The following DSCAML1 variants were observed in gnomAD, a reference collection of about 807,000 sequenced individuals.
The protein encoded by DSCAML1 is DS cell adhesion molecule like 1, also known as cell adhesion molecule DSCAML1.
A neutral mutation model predicts 200.5 loss-of-function variants in DSCAML1; 38 were observed. The ratio of observed to expected loss-of-function variants is 0.19; its 90% CI spans 0.15 to 0.25. The LOEUF (loss-of-function observed/expected upper bound fraction) is 0.25, where lower values mean the gene tolerates loss of function less well. Ranked by LOEUF, DSCAML1 falls within the 10% of genes least tolerant of loss-of-function variation. The pLI is 1.00. For missense variants in DSCAML1, 2,223 were observed against 2,858.8 expected, an observed-to-expected ratio of 0.78 and a Z score of 5.07; for synonymous variants, 1,215 against 1,165.0, an observed-to-expected ratio of 1.04 and a Z score of -0.87.
rs986145792 is a variant in DSCAML1 at position 117,780,323 on chromosome 11, G to A, written c.364+170C>T. On this transcript the variant is annotated intron_variant, in intron 2 of 32. Transcript: ENST00000651296. The surrounding 1 kb of genome is among the most constrained non-coding windows in gnomAD (Gnocchi z 4.8). ...AAGAAAGAGAGAAAGGAGAAAGAAA[G>A]GTGTCTCTTATGCCTATGGACACAC... 1.4e-5 allele frequency among the ~76,000 whole-genome samples: 2 copies of A among 145,616 alleles called. No individual in the cohort carries two copies. Among genetic ancestry groups the A allele is most frequent in the African/African-American group, 5.0e-5 (2 of 39,876 alleles).
intron 11 of DSCAML1, among the ~76,000 whole-genome samples, chr11:117,484,257 C>G (rs1194600015): frequency 6.6e-6 from 1 of 152,292 alleles, no homozygotes; most frequent in Middle Eastern, 3.4e-3. Flanking sequence ...ACGGTGCCAT[C>G]TGACACCAGT....
chr11:117,726,213 C>T (rs1200271173), intron 3 of DSCAML1, among the ~76,000 whole-genome samples: 1 of 152,012 alleles, frequency 6.6e-6, no homozygotes, highest in Non-Finnish European at 1.5e-5. Flanking sequence ...GTAATAATCG[C>T]TACTTTGTAA....
chr11:117,676,898 GT>G (rs2053225642), intron 3 of DSCAML1, among the ~76,000 whole-genome samples: 1 of 152,236 alleles, frequency 6.6e-6, no homozygotes, highest in African/African-American at 2.4e-5. Flanking sequence ...TCTCAAAGGG[GT>G]GTGGCCGAGC....
At chr11:117,789,773 C>G (rs572471983) in intron 1 of DSCAML1, among the ~76,000 whole-genome samples, 7 of 152,214 alleles carry the variant, frequency 4.6e-5, no homozygotes, top group South Asian at 4.2e-4. Flanking sequence ...ACATCAGGAC[C>G]AGTGAGTAGA....
chr11:117,650,667 CTGTGTGTGTGTGTG>C (rs66966642), intron 3 of DSCAML1, among the ~76,000 whole-genome samples: 3 of 143,434 alleles, frequency 2.1e-5, no homozygotes, highest in Middle Eastern at 3.2e-3. Context: ...GTGTGTCTAT[CTGTGTGTGTGTGTG>C]TGTGTGTGTG....
chr11:117,527,325 C>G lies in DSCAML1; in HGVS notation c.659-2242G>C, dbSNP rs73587132. On this transcript the variant is annotated intron_variant, in intron 4 of 32. Coordinates refer to ENST00000651296, the MANE Select transcript of DSCAML1 (RefSeq NM_020693.4). ...TCCTGCCCTCTGCCACCCCACGTGA[C>G]TCTCCAGAGGCAGCCCCCATCAGCA... 3.1e-3 allele frequency among the ~76,000 whole-genome samples: 477 copies of G among 152,282 alleles called. 7 individuals are homozygous for G. The highest frequency in any genetic ancestry group is 0.011 in the African/African-American group (442 of 41,540).
In DSCAML1 at chr11:117,652,692, C is replaced by A. The variant is rs532430698; in HGVS notation, c.512-120170G>T. ...TGGGCCCCCGAAGCAACTGGATGAG[C>A]AGAAGGAATGCTGGGACTGGTCATA... On this transcript the variant is annotated intron_variant, in intron 3 of 32. Coordinates refer to ENST00000651296, the MANE Select transcript of DSCAML1 (RefSeq NM_020693.4). Among the ~76,000 whole-genome samples, 26 of 152,322 alleles carry A rather than the reference C, an allele frequency of 1.7e-4. No homozygotes were observed. The South Asian group carries it at 3.1e-3, about 18-fold the overall frequency.
chr11:117,771,723 G>A (rs2134037813), intron 3 of DSCAML1, among the ~76,000 whole-genome samples: 1 of 152,212 alleles, frequency 6.6e-6, no homozygotes, highest in African/African-American at 2.4e-5. Flanking sequence ...ACTGCTCTGG[G>A]CCTCAACATC....
intron 3 of DSCAML1, among the ~76,000 whole-genome samples, chr11:117,755,966 G>C (rs1164591633): frequency 1.3e-5 from 2 of 152,150 alleles, no homozygotes; most frequent in Admixed American, 6.5e-5. Flanking sequence ...TCTGCTGTCG[G>C]GTAATACCAA....
At chr11:117,549,191 C>G (rs944074674) in intron 3 of DSCAML1, among the ~76,000 whole-genome samples, 2 of 152,222 alleles carry the variant, frequency 1.3e-5, no homozygotes, top group Non-Finnish European at 2.9e-5. Context: ...CTCCTGCACA[C>G]AGAAGCCCCA....
At chr11:117,714,182 G>A (rs750258473) in intron 3 of DSCAML1, among the ~76,000 whole-genome samples, 3 of 152,160 alleles carry the variant, frequency 2.0e-5, no homozygotes, top group Non-Finnish European at 2.9e-5. Context: ...TAAGTGTGCT[G>A]TTACCTGTGT....
chr11:117,523,295 A>G (rs2049914644), intron 5 of DSCAML1, among the ~76,000 whole-genome samples: 1 of 151,846 alleles, frequency 6.6e-6, no homozygotes, highest in South Asian at 2.1e-4. Context: ...AGAGAAAGAG[A>G]GAGAGTGTAG....
At chr11:117,567,486 G>C (rs1471019655) in intron 3 of DSCAML1, among the ~76,000 whole-genome samples, 3 of 152,052 alleles carry the variant, frequency 2.0e-5, no homozygotes, top group Non-Finnish European at 4.4e-5. Flanking sequence ...CTAGCCCTTT[G>C]TCAGATGAGT....
At chr11:117,473,216 G>A (rs537245254) in intron 14 of DSCAML1, among the ~76,000 whole-genome samples, 4 of 152,274 alleles carry the variant, frequency 2.6e-5, no homozygotes, top group South Asian at 4.1e-4. Flanking sequence ...TGCCTGATAG[G>A]CCAGGCACAG....
At chr11:117,594,806 G>C (rs888132358) in intron 3 of DSCAML1, among the ~76,000 whole-genome samples, 6 of 152,134 alleles carry the variant, frequency 3.9e-5, no homozygotes, top group African/African-American at 1.4e-4. Context: ...AGGCCAGGGA[G>C]GGATGAAAGA....
At chr11:117,754,785 A>G (rs973061863) in intron 3 of DSCAML1, among the ~76,000 whole-genome samples, 20 of 152,156 alleles carry the variant, frequency 1.3e-4, no homozygotes, top group African/African-American at 4.6e-4. Flanking sequence ...CTCTTTGGCC[A>G]TAGAAAATCA....
At chr11:117,666,756 C>T (rs1278866815) in intron 3 of DSCAML1, among the ~76,000 whole-genome samples, 3 of 152,192 alleles carry the variant, frequency 2.0e-5, no homozygotes, top group Non-Finnish European at 4.4e-5. Flanking sequence ...ATGTGGCTAC[C>T]TCAGAGGGCT....
In DSCAML1 at chr11:117,439,926, C is replaced by T; in HGVS notation, c.3873G>A (p.Lys1291=). The T allele has an allele frequency of 6.2e-7, 1 of 1,614,068 alleles. No individual in the cohort carries two copies. The highest frequency in any genetic ancestry group is 8.5e-7 in the Non-Finnish European group (1 of 1,179,940). Residue 1291 remains lysine (K), a synonymous_variant, in exon 22 of 33, where the codon AAG becomes AAA. Coordinates refer to ENST00000651296, the MANE Select transcript of DSCAML1 (RefSeq NM_020693.4). ...TIEPAGKAPA[K]IISFGGTVTT... is the part of the protein sequence containing the mutation. ...TCACGGTGCCCCCAAAGGAGATGAT[C>T]TTTGCTGGGGCTACAGGGAGGAGAG...
chr11:117,725,404 C>T (rs1442623935), intron 3 of DSCAML1, among the ~76,000 whole-genome samples: 1 of 152,226 alleles, frequency 6.6e-6, no homozygotes, highest in Non-Finnish European at 1.5e-5. Flanking sequence ...TGGTGCAGGG[C>T]AGAGGGAGCT....
Sources: gnomAD v4.1 joint callset for allele counts (sites outside exome capture counted in the v4.1 genomes callset) on GRCh38, gnomAD v4.1.1 for gene constraint, Gnocchi (gnomAD v3.1) non-coding constraint, MANE v1.5 for transcripts, NCBI Gene and HGNC (gene_info 2026-07-23, HGNC 2026-07-21) for gene names.